Variants in NOS3 observed in about 807,000 individuals in gnomAD.
The protein encoded by NOS3 is nitric oxide synthase 3.
A neutral mutation model predicts 144.9 loss-of-function variants in NOS3; 98 were observed. That is an observed-to-expected ratio of 0.68 (90% CI 0.57 to 0.80). The LOEUF is 0.80. Among genes scored for constraint, NOS3 ranks in the 30% least tolerant of loss-of-function variants. NOS3 has a pLI of 0.00. For missense variants in NOS3, 1,465 were observed against 1,656.4 expected (o/e 0.88, Z 2.01); for synonymous variants, 714 against 702.4 (o/e 1.02, Z -0.26).
Position 150,998,677 on chromosome 7 carries a change from C to G in NOS3, c.813C>G (p.Thr271=), listed in dbSNP as rs770680307. ...GGGACCCAGCCAACGTGGAGATCACCGAGGTGGGCACCGAGGGCCACCCAT... is the reference window on the plus strand; with the variant it reads ...GGGACCCAGCCAACGTGGAGATCACGGAGGTGGGCACCGAGGGCCACCCAT... ...VRGDPANVEI[T]ELCIQHGWTP... is the part of the protein sequence containing the mutation. The change falls in exon 7 of 27, where the codon ACC becomes ACG. Residue 271 remains threonine, a synonymous_variant. Coordinates refer to ENST00000297494, the MANE Select transcript of NOS3 (RefSeq NM_000603.5). The surrounding 1 kb of genome is among the most constrained non-coding windows in gnomAD (Gnocchi z 5.0). The G allele has an allele frequency of 6.2e-7, 1 of 1,605,510 alleles. No individual in the cohort carries two copies. Among genetic ancestry groups the G allele is most frequent in the African/African-American group, 1.3e-5 (1 of 74,832 alleles).
rs755265800 is a variant in NOS3 at position 151,010,236 on chromosome 7, C to T, written c.2634C>T (p.Ser878=). Reference sequence around the variant, plus strand: ...GCCCTCAGCTCTTGCGGCTGCTCAGCACCTTGGCAGAAGAGCCCAGGGAAC... The same window carrying T: ...GCCCTCAGCTCTTGCGGCTGCTCAGTACCTTGGCAGAAGAGCCCAGGGAAC... ...PPSPQLLRLL[S]TLAEEPREQQ... The change falls in exon 21 of 27, where the codon AGC becomes AGT. Residue 878 remains serine (S), a synonymous_variant. Coordinates refer to ENST00000297494, the MANE Select transcript of NOS3 (RefSeq NM_000603.5). The T allele has an allele frequency of 6.2e-7, 1 of 1,613,014 alleles. No homozygotes were observed. Among genetic ancestry groups the T allele is most frequent in the South Asian group, 1.1e-5 (1 of 91,040 alleles).
At chr7:150,992,147 T>TAA (rs11371169) in intron 1 of NOS3, among the ~76,000 whole-genome samples, 2,340 of 143,614 alleles carry the variant, frequency 0.016, 78 homozygotes, top group African/African-American at 0.055. Flanking sequence ...AGACTCTGTC[T>TAA]AAAAAAAAAA....
Position 151,006,903 on chromosome 7 carries a change from G to T in NOS3, c.1835G>T (p.Arg612Leu). The part of the protein sequence containing the change: ...RPEQHKSYKI[R>L]FNSISCSDPL... ...TCTCTTGCCAGGAGTTATAAGATCC[G>T]CTTCAACAGCATCTCCTGCTCAGAC... is the stretch of plus-strand genomic sequence containing the variant. The change falls in exon 16 of 27, where the codon CGC (arginine) becomes CTC (leucine). Residue 612 changes from arginine to leucine, a missense_variant. Physicochemically the swap from Arg to Leu is moderately radical, Grantham distance 102. This residue lies in a region of NOS3 where 745 missense variants were observed against 853.9 expected (regional missense o/e 0.87). Coordinates refer to ENST00000297494, the MANE Select transcript of NOS3 (RefSeq NM_000603.5). The T allele has an allele frequency of 6.2e-7, 1 of 1,613,830 alleles. No individual in the cohort carries two copies. Among genetic ancestry groups the T allele is most frequent in the South Asian group, 1.1e-5 (1 of 91,008 alleles).
At chr7:151,006,849 A>C in intron 15 of NOS3, 40 bp from the exon 16 acceptor site, 3 of 1,501,422 alleles carry the variant, frequency 2.0e-6, no homozygotes, top group Non-Finnish European at 2.8e-6. Context: ...CTGTATCCCC[A>C]GGGCCCTGTG....
chr7:151,007,051 G>T (rs748108876), intron 16 of NOS3, 46 bp downstream of exon 16: 4 of 1,613,994 alleles, frequency 2.5e-6, no homozygotes, highest in Non-Finnish European at 3.4e-6. Flanking sequence ...CAAGCTGCCT[G>T]GGCAAACGTG....
At chr7:150,994,328 A>C (rs1342983169) in intron 2 of NOS3, among the ~76,000 whole-genome samples, 1 of 152,226 alleles carries the variant, frequency 6.6e-6, no homozygotes, top group Non-Finnish European at 1.5e-5. Context: ...AGCTCACAGC[A>C]AGCCTTCAAC....
In NOS3 at chr7:151,003,433, T is replaced by G. The variant is rs544088198; in HGVS notation, c.1752+1129T>G. ...GAGCCACTGCACCTGGCCCTCAGTA[T>G]CTTAAGCAAGTTGGAATCTCGTGAA... is the stretch of plus-strand genomic sequence containing the variant. On this transcript the variant is annotated intron_variant, in intron 14 of 26. Coordinates refer to ENST00000297494, the MANE Select transcript of NOS3 (RefSeq NM_000603.5). This position sits in a 1 kb window ranked among gnomAD's most constrained non-coding sequence, Gnocchi z 4.1. 8.2e-7 allele frequency: 1 copy of G among 1,217,658 alleles called. No individual in the cohort carries two copies. Among genetic ancestry groups the G allele is most frequent in the Non-Finnish European group, 1.1e-6 (1 of 951,992 alleles). The allele number at this position is 1,217,658 out of a possible 1,614,324, so 75.4% of individuals were successfully genotyped here.
intron 14 of NOS3, among the ~76,000 whole-genome samples, chr7:151,004,173 C>T (rs2117123982): frequency 6.6e-6 from 1 of 152,302 alleles, no homozygotes; most frequent in East Asian, 1.9e-4. Flanking sequence ...CCTGTCTCTA[C>T]TAAAAATACA....
rs756521444 is a variant in NOS3 at position 150,999,086 on chromosome 7, G to A, written c.956+1G>A. 4.3e-6 allele frequency: 7 copies of A among 1,612,516 alleles called. No individual in the cohort carries two copies. Among genetic ancestry groups the A allele is most frequent in the South Asian group, 2.2e-5 (2 of 91,090 alleles). On this transcript the variant is annotated splice_donor_variant, in intron 8 of 26. Transcript: ENST00000297494. LOFTEE classifies it high-confidence loss of function. ...TTGAGGTGCCCCTGGAGCACCCCAC[G>A]TGAGCACCAAAGGGATTGACTGGGT...
At chr7:150,996,620 T>C in intron 4 of NOS3, 68 bp downstream of exon 4, 1 of 1,523,140 alleles carries the variant, frequency 6.6e-7, no homozygotes, top group Non-Finnish European at 8.9e-7. Flanking sequence ...GTGACGACCT[T>C]CCCATGACCC....
chr7:151,012,829 T>C (rs1480336527), intron 24 of NOS3: 1 of 335,312 alleles, frequency 3.0e-6, no homozygotes, highest in Non-Finnish European at 5.5e-6. Flanking sequence ...AAGGTGTTCA[T>C]ATTGAGCATG....
Position 150,995,054 on chromosome 7 carries a change from C to T in NOS3, c.159-149C>T, listed in dbSNP as rs551694432. ...CTATAAACGGAGGCACAGCTCGCCT[C>T]TAGCTCCTAAGGCATGGGGAACGCC... On this transcript the variant is annotated intron_variant, in intron 2 of 26. Transcript: ENST00000297494. The T allele has an allele frequency of 7.6e-5, 42 of 550,926 alleles. No individual in the cohort carries two copies. In the African/African-American group the frequency reaches 7.9e-4, roughly 10 times the overall value. The allele number at this position is 550,926 out of a possible 1,614,324, so 34.1% of individuals were successfully genotyped here.
At chr7:151,013,635 A>G in intron 25 of NOS3, 89 bp from the exon 26 acceptor site, 3 of 1,274,038 alleles carry the variant, frequency 2.4e-6, no homozygotes, top group South Asian at 1.5e-5. Context: ...CGCTCCGGAG[A>G]CTTTCACGTC....
At chr7:151,013,665 C>T in intron 25 of NOS3, 59 bp from the exon 26 acceptor site, 2 of 1,419,616 alleles carry the variant, frequency 1.4e-6, no homozygotes, top group Non-Finnish European at 1.9e-6. Flanking sequence ...CCAGCAGCCC[C>T]GGGCTGCGCC....
At chr7:150,991,911 G>A (rs536884004) in intron 1 of NOS3, among the ~76,000 whole-genome samples, 12 of 151,914 alleles carry the variant, frequency 7.9e-5, no homozygotes, top group East Asian at 3.9e-4. Flanking sequence ...CAGGAGAATC[G>A]CTTGAACCCA....
intron 25 of NOS3, 135 bp downstream of exon 25, chr7:151,013,514 G>A: frequency 8.1e-7 from 1 of 1,236,042 alleles, no homozygotes; most frequent in Non-Finnish European, 1.1e-6. Flanking sequence ...GCACACTCTG[G>A]CCCACCCTTG....
intron 10 of NOS3, among the ~76,000 whole-genome samples, chr7:151,000,802 G>A (rs919501002): frequency 6.6e-6 from 1 of 152,184 alleles, no homozygotes; most frequent in Non-Finnish European, 1.5e-5. Flanking sequence ...GTCATCTGGT[G>A]GCTTACTGTG....
Position 151,010,990 on chromosome 7 carries a change from A to G in NOS3, c.2984+4A>G, listed in dbSNP as rs201229125. On this transcript the variant is annotated splice_donor_region_variant and intron_variant, in intron 23 of 26. Transcript: ENST00000297494. ...CTGTGCCCTGCTTCATCCGGGGGTAAGTGAGATGGAAGACTTGGTGGGGAG... is the reference window on the plus strand; with the variant it reads ...CTGTGCCCTGCTTCATCCGGGGGTAGGTGAGATGGAAGACTTGGTGGGGAG... The G allele has an allele frequency of 9.3e-6, 15 of 1,609,610 alleles. No individual in the cohort carries two copies. The East Asian group carries it at 3.3e-4, about 36-fold the overall frequency.
At chr7:151,009,662 G>A in intron 20 of NOS3, 77 bp downstream of exon 20, 8 of 1,324,300 alleles carry the variant, frequency 6.0e-6, no homozygotes, top group South Asian at 5.9e-5. Context: ...GCCTCCAGGA[G>A]CTCAGGACCC....
Sources: allele counts gnomAD v4.1 joint callset (sites outside exome capture counted in the v4.1 genomes callset), GRCh38; gene constraint gnomAD v4.1.1; regional missense constraint gnomAD v4.1.1; non-coding constraint Gnocchi (gnomAD v3.1); transcripts MANE v1.5; gene names NCBI Gene and HGNC (gene_info 2026-07-23, HGNC 2026-07-21).